TRAK1: variants seen among roughly 807,000 people sequenced by gnomAD.
The protein encoded by TRAK1 is trafficking kinesin protein 1.
A neutral mutation model predicts 92.1 loss-of-function variants in TRAK1; 33 were observed. The ratio of observed to expected loss-of-function variants is 0.36; its 90% confidence interval spans 0.27 to 0.48. The LOEUF (loss-of-function observed/expected upper bound fraction) is 0.48, where lower values mean the gene tolerates loss of function less well. Among genes scored for constraint, TRAK1 ranks in the 20% least tolerant of loss-of-function variants. The probability of loss-of-function intolerance (pLI) is 0.99; values close to 1 mark genes in which losing one functional copy is unlikely to be tolerated. For synonymous variants in TRAK1, 521 were observed against 517.3 expected, an observed-to-expected ratio of 1.01 and a Z score of -0.10; for missense variants, 1,123 against 1,257.9, an observed-to-expected ratio of 0.89 and a Z score of 1.62.
At chr3:42,139,000 A>G (rs1168455580) in intron 2 of TRAK1, among the ~76,000 whole-genome samples, 1 of 151,016 alleles carries the variant, frequency 6.6e-6, no homozygotes, top group Non-Finnish European at 1.5e-5. Context: ...GCAGGGTTGA[A>G]TGAAGGAAGG....
chr3:42,125,386 C>G, intron 1 of TRAK1, 34 bp from the exon 2 acceptor site: 1 of 1,599,712 alleles, frequency 6.3e-7, no homozygotes, highest in South Asian at 1.1e-5. Context: ...ATAGCCATTT[C>G]TGGGCTCTCA....
chr3:42,065,325 A>G (rs1048284424), intron 1 of TRAK1, among the ~76,000 whole-genome samples: 1 of 152,174 alleles, frequency 6.6e-6, no homozygotes, highest in African/African-American at 2.4e-5. Flanking sequence ...TGGAACCAGA[A>G]GTGTTTTAGA....
At chr3:42,080,309 G>A (rs901996762) in intron 1 of TRAK1, among the ~76,000 whole-genome samples, 1 of 151,958 alleles carries the variant, frequency 6.6e-6, no homozygotes, top group East Asian at 1.9e-4. Flanking sequence ...GAGAAGAGTG[G>A]GGCAGGGGAC....
intron 14 of TRAK1, chr3:42,218,777 A>G (rs1451394666): frequency 2.0e-6 from 2 of 985,266 alleles, no homozygotes; most frequent in African/African-American, 3.5e-5. Flanking sequence ...CATCTTAGAG[A>G]TGTCAAGAAA....
At chr3:42,069,775 AAC>A (rs1363598707) in intron 1 of TRAK1, among the ~76,000 whole-genome samples, 2 of 152,194 alleles carry the variant, frequency 1.3e-5, no homozygotes, top group Non-Finnish European at 2.9e-5. Context: ...TCCAATTTTT[AAC>A]AGTTATATAA....
chr3:42,137,017 GT>G (rs1295105664), intron 2 of TRAK1, among the ~76,000 whole-genome samples: 4 of 152,016 alleles, frequency 2.6e-5, no homozygotes, highest in African/African-American at 9.7e-5. Flanking sequence ...CTGATTTTAG[GT>G]GATTTGAAAA....
intron 2 of TRAK1, chr3:42,149,243 C>T: frequency 7.8e-7 from 1 of 1,274,192 alleles, no homozygotes. Context: ...CCATTCAGGG[C>T]TGCTGTCCAG....
chr3:42,028,184 G>A (rs751634384), intron 1 of TRAK1, among the ~76,000 whole-genome samples: 20 of 152,204 alleles, frequency 1.3e-4, no homozygotes, highest in Non-Finnish European at 2.6e-4. Context: ...GTGGATACAG[G>A]TGCCGGAACA....
intron 1 of TRAK1, among the ~76,000 whole-genome samples, chr3:42,020,444 C>T (rs567151362): frequency 6.6e-6 from 1 of 152,298 alleles, no homozygotes; most frequent in South Asian, 2.1e-4. Context: ...AATGTTTTGT[C>T]TGCAATGTTC....
chr3:42,090,410 G>A (rs1391830711), upstream of TRAK1, among the ~76,000 whole-genome samples: 2 of 152,240 alleles, frequency 1.3e-5, no homozygotes, highest in Non-Finnish European at 2.9e-5. Context: ...TCACAGCTGG[G>A]CGTGGTGGCT....
intron 1 of TRAK1, among the ~76,000 whole-genome samples, chr3:42,064,511 AT>A (rs2148929701): frequency 6.6e-6 from 1 of 152,366 alleles, no homozygotes; most frequent in Non-Finnish European, 1.5e-5. Flanking sequence ...ATCACCTAGA[AT>A]CTAGGAAGCT....
chr3:42,132,182 C>T (rs916335203), intron 2 of TRAK1, among the ~76,000 whole-genome samples: 1 of 151,772 alleles, frequency 6.6e-6, no homozygotes, highest in Non-Finnish European at 1.5e-5. Context: ...TTAACCTGTA[C>T]ACATCTTTCC....
intron 2 of TRAK1, among the ~76,000 whole-genome samples, chr3:42,133,340 G>A (rs1056811890): frequency 6.6e-6 from 1 of 152,066 alleles, no homozygotes. Context: ...GGATCATGCC[G>A]CTCCCTCGCT....
In TRAK1 at chr3:42,170,093, G is replaced by A. The variant is rs577333692; in HGVS notation, c.287-6721G>A. On this transcript the variant is annotated intron_variant, in intron 2 of 15. Transcript: ENST00000327628. ...GAGCTTGGGTGGCAGGGGACGAGGC[G>A]GGAGGGTTGGGCTGGGCCAGGTAGG... Among the ~76,000 whole-genome samples, 39 of 152,296 alleles carry A rather than the reference G, an allele frequency of 2.6e-4. No individual in the cohort carries two copies. In the East Asian group the frequency reaches 5.6e-3, roughly 22 times the overall value.
chr3:42,156,800 T>C (rs1028227119), intron 2 of TRAK1, among the ~76,000 whole-genome samples: 3 of 152,084 alleles, frequency 2.0e-5, no homozygotes, highest in African/African-American at 7.2e-5. Flanking sequence ...AGCTTCACAG[T>C]GAGGAAACCA....
At chr3:42,187,729 A>C (rs1051599338) in intron 4 of TRAK1, among the ~76,000 whole-genome samples, 3 of 152,086 alleles carry the variant, frequency 2.0e-5, no homozygotes, top group African/African-American at 7.2e-5. Flanking sequence ...GGCCTCCCAA[A>C]ATGCTGGGTT....
rs1375537 is a variant in TRAK1, at chr3:42,184,818, C to G, written c.480+17C>G. On this transcript the variant is annotated intron_variant, in intron 4 of 15. Coordinates refer to ENST00000327628, the MANE Select transcript of TRAK1 (RefSeq NM_001042646.3). ...AGGGAGGAGGTAAGACATTGGAGGCCGAGGCTTCCAGAGGGGCCCGCCACA... is the reference window on the plus strand; with the variant it reads ...AGGGAGGAGGTAAGACATTGGAGGCGGAGGCTTCCAGAGGGGCCCGCCACA... 2.5e-6 allele frequency: 4 copies of G among 1,608,764 alleles called. No homozygotes were observed. The highest frequency in any genetic ancestry group is 1.1e-5 in the South Asian group (1 of 90,744).
In TRAK1 at chr3:42,123,647, G is replaced by A. The variant is rs77646671; in HGVS notation, c.92-1773G>A. 3.6e-3 allele frequency among the ~76,000 whole-genome samples: 546 copies of A among 152,134 alleles called. 2 individuals carry two copies. Among genetic ancestry groups the A allele is most frequent in the African/African-American group, 0.012 (499 of 41,520 alleles). ...TAGGAATACCTCATACTTTTGGTTC[G>A]TCCTCAGCATCTCCTCTTTATTTTC... is the stretch of plus-strand genomic sequence containing the variant. On this transcript the variant is annotated intron_variant, in intron 1 of 15. Coordinates refer to ENST00000327628, the MANE Select transcript of TRAK1 (RefSeq NM_001042646.3).
intron 1 of TRAK1, among the ~76,000 whole-genome samples, chr3:42,075,202 G>A (rs1425673283): frequency 1.3e-5 from 2 of 151,990 alleles, no homozygotes; most frequent in Non-Finnish European, 2.9e-5. Context: ...CTGGCTGGGT[G>A]TGGTGGCTCA....
Sources: gnomAD v4.1 joint callset for allele counts (sites outside exome capture counted in the v4.1 genomes callset) on GRCh38, gnomAD v4.1.1 for gene constraint, MANE v1.5 for transcripts, NCBI Gene and HGNC (gene_info 2026-07-23, HGNC 2026-07-21) for gene names.